FOXN2: variants seen among roughly 807,000 people sequenced by gnomAD.
FOXN2 encodes the protein forkhead box protein N2.
A neutral mutation model predicts 41.2 loss-of-function variants in FOXN2; 19 were observed. The ratio of observed to expected loss-of-function variants is 0.46; its 90% confidence interval spans 0.32 to 0.68. The LOEUF (loss-of-function observed/expected upper bound fraction) is 0.68. Ranked by LOEUF, FOXN2 falls within the 30% of genes least tolerant of loss-of-function variation. The probability of loss-of-function intolerance (pLI) is 0.03; values close to 1 mark genes in which losing one functional copy is unlikely to be tolerated. For synonymous variants in FOXN2, 195 were observed against 176.8 expected (o/e 1.10, Z -0.82); for missense variants, 587 against 509.4 (o/e 1.15, Z -1.47).
At chr2:48,371,371 TGG>T (rs1672885042) in intron 5 of FOXN2, among the ~76,000 whole-genome samples, 2 of 152,018 alleles carry the variant, frequency 1.3e-5, no homozygotes, top group African/African-American at 4.8e-5. Flanking sequence ...CCTTCCAGCC[TGG>T]GTGGCAGGGC....
At chr2:48,373,589 T>C (rs779864207) in intron 6 of FOXN2, among the ~76,000 whole-genome samples, 1 of 151,972 alleles carries the variant, frequency 6.6e-6, no homozygotes, top group South Asian at 2.1e-4. Context: ...TGAAGAAAAA[T>C]ATATTTAGAA....
At position 48,359,163 on chromosome 2, in the gene FOXN2, A is replaced by C; in HGVS notation, c.638+16A>C. The C allele has an allele frequency of 6.3e-7, 1 of 1,576,214 alleles. No homozygotes were observed. The highest frequency in any genetic ancestry group is 2.2e-5 in the East Asian group (1 of 44,616). On this transcript the variant is annotated intron_variant, in intron 4 of 6. Transcript: ENST00000340553. ...CTTCACAAAAGTAAGGATCTTCCAT[A>C]TAACTGTCAGTGGTGATTTATAGGA...
chr2:48,339,879 G>C (rs912855516), intron 2 of FOXN2, among the ~76,000 whole-genome samples: 1 of 152,074 alleles, frequency 6.6e-6, no homozygotes, highest in Non-Finnish European at 1.5e-5. Flanking sequence ...ACAATTAAAT[G>C]TTCCTTAAAA....
At chr2:48,332,931 T>A (rs1301469669) in intron 2 of FOXN2, among the ~76,000 whole-genome samples, 1 of 152,192 alleles carries the variant, frequency 6.6e-6, no homozygotes, top group African/African-American at 2.4e-5. Flanking sequence ...ATGCTGGTAA[T>A]CCTTTGGTTC....
intron 3 of FOXN2, among the ~76,000 whole-genome samples, chr2:48,356,359 C>T (rs1055673987): frequency 6.0e-5 from 9 of 151,070 alleles, no homozygotes; most frequent in African/African-American, 9.7e-5. Flanking sequence ...GGGAATCGTC[C>T]GAACCTGGGA....
At chr2:48,331,951 G>A (rs1027004865) in intron 2 of FOXN2, among the ~76,000 whole-genome samples, 21 of 151,744 alleles carry the variant, frequency 1.4e-4, no homozygotes, top group African/African-American at 4.4e-4. Flanking sequence ...GAAATTAACC[G>A]TGTTATTTAT....
chr2:48,314,186 G>A (rs1668724314), upstream of FOXN2, among the ~76,000 whole-genome samples: 2 of 152,360 alleles, frequency 1.3e-5, no homozygotes, highest in South Asian at 2.1e-4. Flanking sequence ...GTGGGGTGTC[G>A]AGGAAGGTCT....
rs1673310136 is a variant in FOXN2 at position 48,377,215 on chromosome 2, T to C, written c.*1772T>C. ...CCCTTAAGCATGCAGGATGAGGTAT[T>C]TGGGTTTTTTTTTTAGATCGATCAC... is the stretch of plus-strand genomic sequence containing the variant. On this transcript the variant is annotated 3_prime_UTR_variant, in exon 7 of 7. Coordinates refer to ENST00000340553, the MANE Select transcript of FOXN2 (RefSeq NM_002158.4). 1 of 151,960 alleles carries C rather than the reference T, an allele frequency of 6.6e-6. No individual in the cohort carries two copies. Among genetic ancestry groups the C allele is most frequent in the Non-Finnish European group, 1.5e-5 (1 of 67,856 alleles). 9.4% of individuals were successfully genotyped at this position (151,960 alleles called of 1,614,324 possible).
Position 48,365,944 on chromosome 2 carries a change from A to G in FOXN2, c.703+3237A>G, listed in dbSNP as rs564566417. On this transcript the variant is annotated intron_variant, in intron 5 of 6. Coordinates refer to ENST00000340553, the MANE Select transcript of FOXN2 (RefSeq NM_002158.4). Reference sequence around the variant, plus strand: ...ATTTCTAGAGAGAAGTTTAAAAAACACCAAGTGGATTAGACATTCATTACA... The same window carrying G: ...ATTTCTAGAGAGAAGTTTAAAAAACGCCAAGTGGATTAGACATTCATTACA... Among the ~76,000 whole-genome samples the G allele has an allele frequency of 7.9e-5, 12 of 152,328 alleles. No homozygotes were observed. In the South Asian group the frequency reaches 2.3e-3, roughly 29 times the overall value.
intron 5 of FOXN2, among the ~76,000 whole-genome samples, chr2:48,369,915 G>A (rs1020735525): frequency 6.6e-6 from 1 of 152,030 alleles, no homozygotes; most frequent in East Asian, 1.9e-4. Flanking sequence ...TTGAAGGATC[G>A]TTTGAGCCTG....
intron 3 of FOXN2, among the ~76,000 whole-genome samples, chr2:48,347,880 A>G (rs1441495345): frequency 1.3e-5 from 2 of 151,988 alleles, no homozygotes; most frequent in Non-Finnish European, 1.5e-5. Flanking sequence ...TTTAAAGATG[A>G]TTTATTGTCT....
intron 3 of FOXN2, among the ~76,000 whole-genome samples, chr2:48,353,877 AT>A (rs1671624807): frequency 1.3e-5 from 2 of 151,736 alleles, no homozygotes; most frequent in South Asian, 4.2e-4. Context: ...ATATTTCATA[AT>A]TATTTTATGT....
chr2:48,317,668 C>T (rs770006069), intron 1 of FOXN2, among the ~76,000 whole-genome samples: 1 of 116,362 alleles, frequency 8.6e-6, no homozygotes, highest in Non-Finnish European at 1.6e-5. Context: ...AGTGCAGTGG[C>T]GCTATCTTGG....
intron 5 of FOXN2, among the ~76,000 whole-genome samples, chr2:48,364,843 T>TC (rs1180551379): frequency 3.9e-5 from 6 of 152,272 alleles, no homozygotes. Context: ...GGGTTTTGCC[T>TC]CTTAGCATGC....
chr2:48,343,707 C>T (rs1670913370), intron 2 of FOXN2, among the ~76,000 whole-genome samples: 2 of 151,682 alleles, frequency 1.3e-5, no homozygotes, highest in African/African-American at 2.4e-5. Context: ...TACAGTGAAC[C>T]ATGATATCGC....
Position 48,376,010 on chromosome 2 carries a change from C to T in FOXN2, c.*567C>T, listed in dbSNP as rs1309361709. On this transcript the variant is annotated 3_prime_UTR_variant, in exon 7 of 7. Coordinates refer to ENST00000340553, the MANE Select transcript of FOXN2 (RefSeq NM_002158.4). The stretch of plus-strand genomic sequence containing the variant: ...AAACATCCTGATGTTTAGAAAGTTT[C>T]TTTTGGTTACGTAGGTAGAGAATAC... 1 of 152,358 alleles carries T rather than the reference C, an allele frequency of 6.6e-6. No individual in the cohort carries two copies. The highest frequency in any genetic ancestry group is 2.4e-5 in the African/African-American group (1 of 41,356). 9.4% of individuals were successfully genotyped at this position (152,358 alleles called of 1,614,324 possible).
chr2:48,374,834 C>A, intron 6 of FOXN2, 86 bp from the exon 7 acceptor site: 1 of 1,116,560 alleles, frequency 9.0e-7, no homozygotes, highest in Non-Finnish European at 1.3e-6. Flanking sequence ...ACATTTGTTG[C>A]TCAAGAGTAA....
chr2:48,332,180 A>T (rs528127541), intron 2 of FOXN2, among the ~76,000 whole-genome samples: 1 of 152,206 alleles, frequency 6.6e-6, no homozygotes, highest in South Asian at 2.1e-4. Flanking sequence ...TGTTTTTGAG[A>T]ATGGCATTAA....
Position 48,353,755 on chromosome 2 carries a change from A to G in FOXN2, c.538-5292A>G, listed in dbSNP as rs13418349. Among the ~76,000 whole-genome samples the G allele has an allele frequency of 7.9e-3, 1,205 of 152,026 alleles. 25 individuals are homozygous for G. The highest frequency in any genetic ancestry group is 0.028 in the African/African-American group (1,149 of 41,450). ...TATAAACACTGCTACAGTGAAAATC[A>G]TCTCCCTATCCTTCCTTCTCTTTGC... On this transcript the variant is annotated intron_variant, in intron 3 of 6. Transcript: ENST00000340553.
Sources: allele counts gnomAD v4.1 joint callset (sites outside exome capture counted in the v4.1 genomes callset), GRCh38; gene constraint gnomAD v4.1.1; transcripts MANE v1.5; gene names NCBI Gene and HGNC (gene_info 2026-07-23, HGNC 2026-07-21).